The following CDH13 variants were observed in gnomAD, a reference collection of about 807,000 sequenced individuals.
CDH13 encodes the protein cadherin-13.
Under a neutral mutation model 63.8 loss-of-function variants are expected in CDH13, and 24 were observed. The observed-to-expected ratio is 0.38, with a 90% confidence interval of 0.27 to 0.53. The LOEUF (loss-of-function observed/expected upper bound fraction) is 0.53. Ranked by LOEUF, CDH13 falls within the 20% of genes least tolerant of loss-of-function variation. CDH13 has a pLI of 0.85. For synonymous variants in CDH13, 503 were observed against 355.3 expected, an observed-to-expected ratio of 1.42 and a Z score of -4.67; for missense variants, 1,049 against 903.1, an observed-to-expected ratio of 1.16 and a Z score of -2.07.
intron 4 of CDH13, among the ~76,000 whole-genome samples, chr16:83,126,412 G>T (rs1405695134): frequency 6.6e-6 from 1 of 152,184 alleles, no homozygotes; most frequent in Admixed American, 6.5e-5. Context: ...GGGAGAGGCT[G>T]TCTGTTATGG....
Position 82,971,601 on chromosome 16 carries a change from C to T in CDH13, c.158-60409C>T, listed in dbSNP as rs113042204. Reference sequence around the variant, plus strand: ...CACCATGTTGTTTCTATAAGGTGTTCAACTAGTGTGCGTTAAATGACAAGA... The same window carrying T: ...CACCATGTTGTTTCTATAAGGTGTTTAACTAGTGTGCGTTAAATGACAAGA... On this transcript the variant is annotated intron_variant, in intron 2 of 13. Coordinates refer to ENST00000567109, the MANE Select transcript of CDH13 (RefSeq NM_001257.5). Among the ~76,000 whole-genome samples, 500 of 152,292 alleles carry T rather than the reference C, an allele frequency of 3.3e-3. 7 individuals are homozygous for T. The highest frequency in any genetic ancestry group is 0.012 in the African/African-American group (481 of 41,572).
In CDH13 at chr16:82,627,042, G is replaced by T; in HGVS notation, c.-51G>T. 6.4e-7 allele frequency: 1 copy of T among 1,564,698 alleles called. No homozygotes were observed. The highest frequency in any genetic ancestry group is 8.7e-7 in the Non-Finnish European group (1 of 1,154,120). Reference sequence around the variant, plus strand: ...GGCTCCCACGGAAAATATGCTCAGTGCAGCCGCGTGCATGAATGAAAACGC... The same window carrying T: ...GGCTCCCACGGAAAATATGCTCAGTTCAGCCGCGTGCATGAATGAAAACGC... On this transcript the variant is annotated 5_prime_UTR_variant, in exon 1 of 14. Coordinates refer to ENST00000567109, the MANE Select transcript of CDH13 (RefSeq NM_001257.5).
At chr16:82,824,109 C>T (rs2615134) in intron 1 of CDH13, 12 of 152,056 alleles carry the variant, frequency 7.9e-5, no homozygotes, top group African/African-American at 2.9e-4. Context: ...TCATTAGGGT[C>T]ATGTCATTTA....
At chr16:82,787,932 G>A (rs2036100116) in intron 1 of CDH13, among the ~76,000 whole-genome samples, 1 of 142,664 alleles carries the variant, frequency 7.0e-6, no homozygotes, top group East Asian at 2.3e-4. Flanking sequence ...CACAACTCCT[G>A]GGCTGTACCT....
intron 1 of CDH13, among the ~76,000 whole-genome samples, chr16:82,639,642 A>G (rs552957141): frequency 3.9e-5 from 6 of 152,364 alleles, no homozygotes; most frequent in Admixed American, 1.3e-4. Context: ...CTGGATCTAT[A>G]TTGTGTGGCA....
intron 5 of CDH13, among the ~76,000 whole-genome samples, chr16:83,236,237 GCACACA>G (rs3049880): frequency 4.7e-5 from 7 of 149,006 alleles, no homozygotes; most frequent in East Asian, 4.0e-4. Flanking sequence ...ACACGCACAT[GCACACA>G]CACACACACA....
intron 1 of CDH13, among the ~76,000 whole-genome samples, chr16:82,724,835 C>T (rs1343938792): frequency 1.3e-5 from 2 of 152,156 alleles, no homozygotes; most frequent in African/African-American, 2.4e-5. Flanking sequence ...AATCTAGAGT[C>T]AGACTGATCG....
intron 7 of CDH13, among the ~76,000 whole-genome samples, chr16:83,505,261 G>A (rs1239664365): frequency 1.3e-5 from 2 of 152,180 alleles, no homozygotes; most frequent in Non-Finnish European, 2.9e-5. Context: ...CTGTCATAAT[G>A]CCTAGCGGGC....
At chr16:83,727,697 G>C (rs1016661613) in intron 10 of CDH13, among the ~76,000 whole-genome samples, 1 of 152,102 alleles carries the variant, frequency 6.6e-6, no homozygotes, top group African/African-American at 2.4e-5. Flanking sequence ...GGCCAAAAAA[G>C]TCTTAGGCTT....
intron 6 of CDH13, among the ~76,000 whole-genome samples, chr16:83,406,508 G>C (rs2092050024): frequency 6.7e-6 from 1 of 150,176 alleles, no homozygotes; most frequent in African/African-American, 2.5e-5. Flanking sequence ...TCATCGCCCA[G>C]GCTGGAGTGC....
chr16:83,570,840 TTTTA>T (rs201570465), intron 7 of CDH13, among the ~76,000 whole-genome samples: 3,570 of 61,516 alleles, frequency 0.058, 146 homozygotes, highest in South Asian at 0.13. Flanking sequence ...AAATTTATAT[TTTTA>T]TATATATAAA....
chr16:82,842,145 T>TATATATATATATATATATATAC (rs2039056068), intron 1 of CDH13, among the ~76,000 whole-genome samples: 3 of 27,596 alleles, frequency 1.1e-4, no homozygotes, highest in African/African-American at 3.5e-4. Context: ...TATACACATA[T>TATATATATATATATATATATAC]ATATATATAT....
intron 2 of CDH13, among the ~76,000 whole-genome samples, chr16:82,920,680 A>G (rs981686346): frequency 2.6e-5 from 4 of 152,080 alleles, no homozygotes; most frequent in African/African-American, 9.7e-5. Context: ...CCATTTTTTA[A>G]TCTTATATTC....
intron 1 of CDH13, among the ~76,000 whole-genome samples, chr16:82,638,157 C>T (rs1033216514): frequency 6.6e-6 from 1 of 152,162 alleles, no homozygotes; most frequent in Non-Finnish European, 1.5e-5. Flanking sequence ...ATGTTACCTA[C>T]CAACTATGAA....
chr16:82,652,039 C>G (rs1910779265), intron 1 of CDH13, among the ~76,000 whole-genome samples: 1 of 152,234 alleles, frequency 6.6e-6, no homozygotes, highest in African/African-American at 2.4e-5. Flanking sequence ...AAAGAAACAA[C>G]TTGCTCGGCC....
intron 5 of CDH13, among the ~76,000 whole-genome samples, chr16:83,296,634 C>A (rs2089605420): frequency 6.6e-6 from 1 of 152,146 alleles, no homozygotes; most frequent in African/African-American, 2.4e-5. Flanking sequence ...CAAGTACACA[C>A]ACACACACAT....
chr16:83,681,582 A>C (rs1915407795), intron 10 of CDH13, among the ~76,000 whole-genome samples: 1 of 149,988 alleles, frequency 6.7e-6, no homozygotes, highest in Non-Finnish European at 1.5e-5. Context: ...ACTCCCTCCT[A>C]CCCACCTTTC....
intron 6 of CDH13, among the ~76,000 whole-genome samples, chr16:83,373,485 A>G (rs1269323720): frequency 6.6e-6 from 1 of 152,116 alleles, no homozygotes; most frequent in East Asian, 1.9e-4. Flanking sequence ...GAAGACCTGA[A>G]AGAGTAAGGC....
At chr16:82,833,148 A>G (rs1188293803) in intron 1 of CDH13, among the ~76,000 whole-genome samples, 4 of 152,238 alleles carry the variant, frequency 2.6e-5, no homozygotes, top group Non-Finnish European at 5.9e-5. Flanking sequence ...CCGTCTCCCA[A>G]GAGCCTTGTG....
Sources: gnomAD v4.1 joint callset for allele counts (sites outside exome capture counted in the v4.1 genomes callset) on GRCh38, gnomAD v4.1.1 for gene constraint, MANE v1.5 for transcripts, NCBI Gene and HGNC (gene_info 2026-07-23, HGNC 2026-07-21) for gene names.